Variants in SOBP observed in about 807,000 individuals in gnomAD.
SOBP encodes the protein sine oculis-binding protein homolog.
SOBP carries 4 observed loss-of-function variants against 53.6 expected under a neutral mutation model. That is an observed-to-expected ratio of 0.07 (90% CI 0.04 to 0.17). The LOEUF (loss-of-function observed/expected upper bound fraction) is 0.17, where lower values mean the gene tolerates loss of function less well. SOBP is among the 10% of genes least tolerant of loss of function. The pLI is 1.00. For missense variants in SOBP, 1,088 were observed against 1,204.7 expected, an observed-to-expected ratio of 0.90 and a Z score of 1.43; for synonymous variants, 584 against 522.6, an observed-to-expected ratio of 1.12 and a Z score of -1.60.
intron 3 of SOBP, among the ~76,000 whole-genome samples, chr6:107,532,251 A>T (rs947622397): frequency 7.3e-5 from 11 of 150,406 alleles, no homozygotes; most frequent in Non-Finnish European, 1.2e-4. Context: ...TCACACACAC[A>T]CACACACACA....
intron 4 of SOBP, among the ~76,000 whole-genome samples, chr6:107,572,710 AGT>A (rs964106494): frequency 1.3e-5 from 2 of 152,192 alleles, no homozygotes; most frequent in African/African-American, 4.8e-5. Flanking sequence ...GAGGTTACTC[AGT>A]GTGTGGATTA....
In SOBP at chr6:107,575,667, CT is replaced by C. The variant is rs535340275; in HGVS notation, c.574-11408del. On this transcript the variant is annotated intron_variant, in intron 4 of 6. Transcript: ENST00000317357. ...GGAGAGGTTGTGGAAACGCAGGTCA[CT>C]TTTTGTCTTCCTTCACCTGGGCTTT... 5.9e-5 allele frequency among the ~76,000 whole-genome samples: 9 copies of C among 152,262 alleles called. 1 individual carries two copies. In the South Asian group the frequency reaches 1.9e-3, roughly 32 times the overall value.
intron 3 of SOBP, among the ~76,000 whole-genome samples, chr6:107,526,393 C>A (rs528998688): frequency 1.2e-4 from 19 of 152,290 alleles, no homozygotes; most frequent in African/African-American, 4.1e-4. Flanking sequence ...TCTACTTTTC[C>A]CTTCACACAA....
intron 3 of SOBP, chr6:107,529,450 G>A (rs941790378): frequency 4.1e-6 from 4 of 985,246 alleles, no homozygotes; most frequent in Middle Eastern, 5.2e-4. Context: ...CTGGATGTGT[G>A]CATTCTAGGA....
intron 4 of SOBP, among the ~76,000 whole-genome samples, chr6:107,534,807 C>T (rs546604764): frequency 1.0e-3 from 156 of 152,306 alleles, no homozygotes; most frequent in African/African-American, 3.5e-3. Context: ...GGACTGTCAG[C>T]AGTCAAGTTC....
intron 5 of SOBP, among the ~76,000 whole-genome samples, chr6:107,626,274 A>T (rs1386141634): frequency 6.6e-6 from 1 of 152,178 alleles, no homozygotes; most frequent in African/African-American, 2.4e-5. Context: ...AAATCTGTTG[A>T]TAGAGGAGAG....
intron 5 of SOBP, among the ~76,000 whole-genome samples, chr6:107,619,582 G>A (rs1434306299): frequency 6.6e-6 from 1 of 152,106 alleles, no homozygotes; most frequent in East Asian, 1.9e-4. Context: ...GGGGCATATT[G>A]GTCAGTGGTA....
At chr6:107,650,764 T>TGGCCTCTAAATGTTTAAGTGAAAGGAG (rs1442242462) in intron 6 of SOBP, among the ~76,000 whole-genome samples, 1 of 152,214 alleles carries the variant, frequency 6.6e-6, no homozygotes, top group Non-Finnish European at 1.5e-5. Context: ...AATTCTATGA[T>TGGCCTCTAAATGTTTAAGTGAAAGGAG]GGCCTCTAAA....
At chr6:107,631,763 C>T (rs781206854) in intron 5 of SOBP, among the ~76,000 whole-genome samples, 1 of 152,198 alleles carries the variant, frequency 6.6e-6, no homozygotes. Context: ...GGTAACTCAG[C>T]AGTTTTCTCA....
At chr6:107,623,009 C>T (rs1206912394) in intron 5 of SOBP, among the ~76,000 whole-genome samples, 1 of 152,132 alleles carries the variant, frequency 6.6e-6, no homozygotes, top group African/African-American at 2.4e-5. Flanking sequence ...TGACCACCAT[C>T]TGATTAATCT....
At chr6:107,655,824 C>A (rs1433547385) in intron 6 of SOBP, among the ~76,000 whole-genome samples, 6 of 151,982 alleles carry the variant, frequency 3.9e-5, no homozygotes, top group African/African-American at 1.5e-4. Flanking sequence ...TGGTCTTTGT[C>A]CAAAGGTGAT....
chr6:107,499,901 A>G (rs1399863889), intron 1 of SOBP, among the ~76,000 whole-genome samples: 21 of 152,114 alleles, frequency 1.4e-4, no homozygotes, highest in Non-Finnish European at 2.9e-5. Flanking sequence ...TATTACCTTT[A>G]CTGTTTTTCA....
chr6:107,546,145 A>G (rs1230882185), intron 4 of SOBP, among the ~76,000 whole-genome samples: 1 of 152,214 alleles, frequency 6.6e-6, no homozygotes. Flanking sequence ...TCGGAAAGCA[A>G]CCAAAAATAG....
chr6:107,625,441 A>G (rs72945670), intron 5 of SOBP, among the ~76,000 whole-genome samples: 13,597 of 152,270 alleles, frequency 0.089, 855 homozygotes, highest in Admixed American at 0.18. Flanking sequence ...AGCAATCAGT[A>G]TGTAGTTGGT....
At chr6:107,521,094 G>A (rs902082446) in intron 3 of SOBP, among the ~76,000 whole-genome samples, 1 of 148,070 alleles carries the variant, frequency 6.8e-6, no homozygotes, top group Non-Finnish European at 1.5e-5. Flanking sequence ...AATGTCTCCC[G>A]ATATTACCAA....
chr6:107,583,027 C>T (rs1429252687), intron 4 of SOBP, among the ~76,000 whole-genome samples: 1 of 152,228 alleles, frequency 6.6e-6, no homozygotes, highest in Admixed American at 6.5e-5. Context: ...TATGTCCACC[C>T]TCCTTGTTAA....
At chr6:107,500,854 G>C (rs1019539735) in intron 1 of SOBP, among the ~76,000 whole-genome samples, 2 of 152,160 alleles carry the variant, frequency 1.3e-5, no homozygotes, top group African/African-American at 4.8e-5. Context: ...ATTCCTTGGA[G>C]TCCTTTGGCT....
At chr6:107,545,992 A>G (rs1465288586) in intron 4 of SOBP, among the ~76,000 whole-genome samples, 1 of 152,184 alleles carries the variant, frequency 6.6e-6, no homozygotes, top group Non-Finnish European at 1.5e-5. Context: ...GGGGACAGTA[A>G]AGCTGGCGTG....
intron 3 of SOBP, among the ~76,000 whole-genome samples, chr6:107,517,677 T>C (rs536262944): frequency 2.6e-5 from 4 of 152,106 alleles, no homozygotes; most frequent in Non-Finnish European, 5.9e-5. Context: ...ATGGAAAAAA[T>C]GTATGTTGAT....
Sources: gnomAD v4.1 joint callset for allele counts (sites outside exome capture counted in the v4.1 genomes callset) on GRCh38, gnomAD v4.1.1 for gene constraint, MANE v1.5 for transcripts, NCBI Gene and HGNC (gene_info 2026-07-23, HGNC 2026-07-21) for gene names.